Variants in DTNB observed in about 807,000 individuals in gnomAD.
DTNB encodes the protein dystrobrevin beta.
In DTNB, 63 loss-of-function variants were observed where a neutral mutation model predicts 90.7. The ratio of observed to expected loss-of-function variants is 0.69; its 90% CI spans 0.57 to 0.86. DTNB has a LOEUF of 0.86. Ranked by LOEUF, DTNB falls within the 40% of genes least tolerant of loss-of-function variation. The pLI is 0.00. For synonymous variants in DTNB, 277 were observed against 286.7 expected, an observed-to-expected ratio of 0.97 and a Z score of 0.34; for missense variants, 744 against 807.1, an observed-to-expected ratio of 0.92 and a Z score of 0.95.
At chr2:25,449,811 G>A (rs1420449152) in intron 12 of DTNB, among the ~76,000 whole-genome samples, 4 of 148,588 alleles carry the variant, frequency 2.7e-5, no homozygotes, top group African/African-American at 9.9e-5. Context: ...CACCCAGGGT[G>A]GAGTACAGTG....
chr2:25,443,719 G>A (rs1050997556), intron 12 of DTNB, among the ~76,000 whole-genome samples: 3 of 152,242 alleles, frequency 2.0e-5, no homozygotes, highest in Non-Finnish European at 4.4e-5. Context: ...CCGTAAATCA[G>A]AAGGCTGGGA....
At chr2:25,533,827 C>G (rs954072989) in intron 8 of DTNB, among the ~76,000 whole-genome samples, 3 of 152,198 alleles carry the variant, frequency 2.0e-5, no homozygotes, top group African/African-American at 7.2e-5. Context: ...AGACTTTCCT[C>G]ACTGCTCCAT....
At chr2:25,656,688 T>C (rs2082129107) in intron 1 of DTNB, among the ~76,000 whole-genome samples, 2 of 152,308 alleles carry the variant, frequency 1.3e-5, no homozygotes, top group South Asian at 4.1e-4. Context: ...TCTCCACCCC[T>C]GTCTTCCTAT....
chr2:25,646,293 T>C (rs886166148), intron 2 of DTNB, among the ~76,000 whole-genome samples: 5 of 151,944 alleles, frequency 3.3e-5, no homozygotes, highest in African/African-American at 1.2e-4. Context: ...CTGACCAACA[T>C]GGTGAAACCC....
At chr2:25,524,278 G>GA (rs997716745) in intron 9 of DTNB, among the ~76,000 whole-genome samples, 3 of 149,740 alleles carry the variant, frequency 2.0e-5, no homozygotes, top group East Asian at 2.0e-4. Flanking sequence ...ATTGAATACA[G>GA]AAAAAAAAAT....
At chr2:25,399,199 C>A (rs1573852246) in intron 16 of DTNB, among the ~76,000 whole-genome samples, 1 of 151,938 alleles carries the variant, frequency 6.6e-6, no homozygotes, top group East Asian at 1.9e-4. Flanking sequence ...CAGGCGTGCA[C>A]CACCATGCCC....
chr2:25,527,774 C>G (rs991049230), intron 9 of DTNB, among the ~76,000 whole-genome samples: 4 of 152,078 alleles, frequency 2.6e-5, no homozygotes, highest in Non-Finnish European at 5.9e-5. Flanking sequence ...AATCTTCCCA[C>G]AAAGAAATCT....
intron 12 of DTNB, among the ~76,000 whole-genome samples, chr2:25,445,815 T>A (rs1221508033): frequency 6.6e-6 from 1 of 152,108 alleles, no homozygotes; most frequent in Non-Finnish European, 1.5e-5. Context: ...TTTAATTCCT[T>A]ATCTCCCGAA....
intron 8 of DTNB, among the ~76,000 whole-genome samples, chr2:25,551,249 C>A (rs78145603): frequency 2.0e-5 from 3 of 152,100 alleles, no homozygotes; most frequent in Non-Finnish European, 4.4e-5. Flanking sequence ...TGTTTTAATG[C>A]GCATGAAAGT....
chr2:25,652,503 T>G, intron 2 of DTNB, 91 bp downstream of exon 2: 1 of 1,346,150 alleles, frequency 7.4e-7, no homozygotes, highest in South Asian at 1.5e-5. Flanking sequence ...AACATAAAAG[T>G]TGTAACTGAT....
chr2:25,503,310 G>C (rs1036201984), intron 9 of DTNB, among the ~76,000 whole-genome samples: 1 of 151,756 alleles, frequency 6.6e-6, no homozygotes, highest in Non-Finnish European at 1.5e-5. Flanking sequence ...ACAACATAGA[G>C]AGACTCTCTC....
At chr2:25,625,336 A>C (rs1259009193) in intron 4 of DTNB, among the ~76,000 whole-genome samples, 1 of 152,230 alleles carries the variant, frequency 6.6e-6, no homozygotes, top group African/African-American at 2.4e-5. Context: ...CAAAATTAAC[A>C]TTCTGATAAC....
At chr2:25,529,403 T>A (rs1249971930) in intron 9 of DTNB, among the ~76,000 whole-genome samples, 2 of 151,806 alleles carry the variant, frequency 1.3e-5, no homozygotes, top group Non-Finnish European at 2.9e-5. Flanking sequence ...GAAAGGGCCA[T>A]CTTTAAAACC....
Position 25,388,805 on chromosome 2 carries a change from C to CGTGTGTGTGTGT in DTNB, c.1576-456_1576-445dup, listed in dbSNP as rs112323714. Among the ~76,000 whole-genome samples the CGTGTGTGTGTGT allele has an allele frequency of 3.3e-3, 489 of 149,252 alleles. 2 individuals are homozygous for CGTGTGTGTGTGT. Among genetic ancestry groups the CGTGTGTGTGTGT allele is most frequent in the African/African-American group, 9.4e-3 (382 of 40,472 alleles). ...GCAACCTGTGAGTGGAAAGGACATA[C>CGTGTGTGTGTGT]GTGTGTGTGTGTGTGTGTGTGTGTG... On this transcript the variant is annotated intron_variant, in intron 16 of 20. Transcript: ENST00000406818.
chr2:25,438,354 T>C (rs911230963), intron 12 of DTNB, among the ~76,000 whole-genome samples: 4 of 152,018 alleles, frequency 2.6e-5, no homozygotes, highest in Non-Finnish European at 4.4e-5. Flanking sequence ...TTTAAGAAAA[T>C]GTATGAATTT....
At chr2:25,649,416 A>C (rs2080328592) in intron 2 of DTNB, among the ~76,000 whole-genome samples, 1 of 152,216 alleles carries the variant, frequency 6.6e-6, no homozygotes, top group Admixed American at 6.5e-5. Context: ...TCTTTCTTTA[A>C]AAATGGTATA....
chr2:25,652,052 T>C (rs1453771732), intron 2 of DTNB, among the ~76,000 whole-genome samples: 1 of 152,208 alleles, frequency 6.6e-6, no homozygotes, highest in Non-Finnish European at 1.5e-5. Flanking sequence ...CCTGCAAGGA[T>C]TGGGAACCAC....
At chr2:25,541,719 A>G (rs2081298976) in intron 8 of DTNB, among the ~76,000 whole-genome samples, 1 of 152,100 alleles carries the variant, frequency 6.6e-6, no homozygotes, top group South Asian at 2.1e-4. Context: ...TGCTATGAAC[A>G]TGAGTGTACA....
At chr2:25,444,740 T>C (rs1352168173) in intron 12 of DTNB, among the ~76,000 whole-genome samples, 3 of 152,122 alleles carry the variant, frequency 2.0e-5, no homozygotes, top group Non-Finnish European at 4.4e-5. Flanking sequence ...TTTAACAATG[T>C]GGAAGAAGGT....
Sources: allele counts gnomAD v4.1 joint callset (sites outside exome capture counted in the v4.1 genomes callset), GRCh38; gene constraint gnomAD v4.1.1; transcripts MANE v1.5; gene names NCBI Gene and HGNC (gene_info 2026-07-23, HGNC 2026-07-21).